The following CEP170B variants were observed in gnomAD, a reference collection of about 807,000 sequenced individuals.
The protein encoded by CEP170B is centrosomal protein 170B, also known as centrosomal protein of 170 kDa protein B.
A neutral mutation model predicts 120.6 loss-of-function variants in CEP170B; 55 were observed. That is an observed-to-expected ratio of 0.46 (90% CI 0.37 to 0.57). The LOEUF is 0.57. CEP170B is among the 20% of genes least tolerant of loss of function. The pLI is 0.00. For synonymous variants in CEP170B, 1,033 were observed against 954.5 expected (o/e 1.08, Z -1.52); for missense variants, 2,212 against 2,253.3 (o/e 0.98, Z 0.37).
chr14:104,884,590 G>T (rs561033407), intron 9 of CEP170B, 41 bp downstream of exon 9: 7 of 1,513,094 alleles, frequency 4.6e-6, no homozygotes, highest in Admixed American at 4.0e-5. Flanking sequence ...TGGGGAACGG[G>T]GGGGTGGAGG....
Position 104,886,583 on chromosome 14 carries a change from G to T in CEP170B, c.2344G>T (p.Gly782Cys). Residue 782 changes from glycine (G) to cysteine (C), a missense_variant, in exon 12 of 19, where the codon GGT becomes TGT. Physicochemically the swap from Gly to Cys is radical, Grantham distance 159 (BLOSUM62 -3). This residue lies in a region of CEP170B where 2,166 missense variants were observed against 2,166.7 expected (regional missense o/e 1.00). Transcript: ENST00000414716. ...SPQEGPTWSR[G>C]RRSPRAPGEP... ...CCAGGAGGGGCCCACGTGGAGCAGG[G>T]GTCGGCGCTCACCAAGGGCCCCCGG... 1 of 1,515,592 alleles carries T rather than the reference G, an allele frequency of 6.6e-7. No homozygotes were observed. Among genetic ancestry groups the T allele is most frequent in the Non-Finnish European group, 8.8e-7 (1 of 1,135,582 alleles). The allele number at this position is 1,515,592 out of a possible 1,614,324, so 93.9% of individuals were successfully genotyped here.
rs79638872 is a variant in CEP170B, at chr14:104,866,467, C to A, written c.-28+954C>A. 2.4e-3 allele frequency among the ~76,000 whole-genome samples: 371 copies of A among 152,280 alleles called. 4 individuals are homozygous for A. The East Asian group carries it at 0.035, about 14-fold the overall frequency. On this transcript the variant is annotated intron_variant, in intron 1 of 18. Transcript: ENST00000414716. ...AGAGGCCTCCTGGAGGCTTTGCTGT[C>A]TGGGGCTGCAGGGTCATCGAAGTGC... is the stretch of plus-strand genomic sequence containing the variant.
At chr14:104,871,192 C>G (rs1895466156) in intron 2 of CEP170B, among the ~76,000 whole-genome samples, 1 of 152,340 alleles carries the variant, frequency 6.6e-6, no homozygotes, top group African/African-American at 2.4e-5. Flanking sequence ...CTATCCACCT[C>G]TGCTCAGATG....
rs145003340 is a variant in CEP170B at position 104,878,609 on chromosome 14, G to A, written c.333+108G>A. The A allele has an allele frequency of 1.7e-3, 2,138 of 1,259,788 alleles. 18 individuals carry two copies. The highest frequency in any genetic ancestry group is 0.016 in the East Asian group (687 of 42,212). The allele number at this position is 1,259,788 out of a possible 1,614,324, so 78.0% of individuals were successfully genotyped here. On this transcript the variant is annotated intron_variant, in intron 5 of 18. Transcript: ENST00000414716. ...CCAGCAAACACTCACCAGGCCTCTG[G>A]GGCGCCCTGTTCAGGCTGCGGGTGC...
At chr14:104,894,655 CAGGGTGGG>C in intron 18 of CEP170B, 48 bp from the exon 19 acceptor site, 1 of 1,583,676 alleles carries the variant, frequency 6.3e-7, no homozygotes, top group Non-Finnish European at 8.6e-7. Flanking sequence ...CCCTGACTCA[CAGGGTGGG>C]AGCAGGTGAA....
chr14:104,883,597 C>T (rs1324967250), intron 8 of CEP170B, 89 bp downstream of exon 8: 2 of 1,339,616 alleles, frequency 1.5e-6, no homozygotes, highest in South Asian at 1.5e-5. Flanking sequence ...TGCAGAGGGG[C>T]CCATTCAGCT....
rs763955885 is a variant in CEP170B, at chr14:104,883,409, C to G, written c.952C>G (p.Leu318Val). ...VSAETKVADW[L>V]VQNDPSLLHR... Reference sequence around the variant, plus strand: ...GGCTGAGACCAAGGTGGCCGACTGGCTGGTGCAGAATGACCCGAGCCTGCT... The same window carrying G: ...GGCTGAGACCAAGGTGGCCGACTGGGTGGTGCAGAATGACCCGAGCCTGCT... The change falls in exon 8 of 19, where the codon CTG becomes GTG. Residue 318 changes from leucine to valine, a missense_variant. Transcript: ENST00000414716. 6.3e-7 allele frequency: 1 copy of G among 1,586,312 alleles called. No homozygotes were observed. The highest frequency in any genetic ancestry group is 1.1e-5 in the South Asian group (1 of 87,262).
In CEP170B at chr14:104,883,940, G is replaced by A. The variant is rs1288200866; in HGVS notation, c.1161G>A (p.Gln387=). The change falls in exon 9 of 19, where the codon CAG becomes CAA. Residue 387 remains glutamine (Q), a synonymous_variant. Coordinates refer to ENST00000414716, the MANE Select transcript of CEP170B (RefSeq NM_001112726.3). ...CCAGCGGGGAGCAGGTGCGGCTGCAGAGGCAGATCAAGCGGGACCCCCAGG... is the reference window on the plus strand; with the variant it reads ...CCAGCGGGGAGCAGGTGCGGCTGCAAAGGCAGATCAAGCGGGACCCCCAGG... ...LEASGEQVRL[Q]RQIKRDPQEL... The A allele has an allele frequency of 6.2e-7, 1 of 1,604,772 alleles. No homozygotes were observed. Among genetic ancestry groups the A allele is most frequent in the South Asian group, 1.1e-5 (1 of 89,874 alleles).
chr14:104,872,165 G>A (rs576040931), intron 2 of CEP170B, among the ~76,000 whole-genome samples: 14 of 140,776 alleles, frequency 9.9e-5, no homozygotes, highest in Middle Eastern at 4.2e-3. Context: ...CGTGTGTGCC[G>A]CGTGTGTGTG....
intron 10 of CEP170B, 76 bp from the exon 11 acceptor site, chr14:104,885,964 C>T: frequency 3.8e-6 from 5 of 1,321,512 alleles, no homozygotes; most frequent in Non-Finnish European, 1.0e-6. Context: ...TCTGGACGCC[C>T]CTCCTGTTCC....
intron 13 of CEP170B, among the ~76,000 whole-genome samples, chr14:104,890,994 T>G (rs1438016568): frequency 3.8e-4 from 13 of 34,070 alleles, no homozygotes; most frequent in South Asian, 9.0e-4. Context: ...GATGGGTGGG[T>G]GGGTGTGGAT....
At position 104,886,735 on chromosome 14, in the gene CEP170B, A is replaced by G. The variant is rs1352037908; in HGVS notation, c.2496A>G (p.Ala832=). 1 of 1,607,660 alleles carries G rather than the reference A, an allele frequency of 6.2e-7. No homozygotes were observed. The highest frequency in any genetic ancestry group is 1.7e-5 in the Admixed American group (1 of 59,702). ...LGQTAQPSPP[A]RDGVYVSANG... is the part of the protein sequence containing the mutation. ...AGACAGCCCAGCCCAGCCCCCCAGC[A>G]CGGGATGGCGTCTATGTCAGTGCCA... Residue 832 remains alanine (A), a synonymous_variant, in exon 12 of 19, where the codon GCA becomes GCG. Coordinates refer to ENST00000414716, the MANE Select transcript of CEP170B (RefSeq NM_001112726.3).
intron 13 of CEP170B, among the ~76,000 whole-genome samples, chr14:104,890,374 GTGGATGGATGGATGAGTGGATGGATGGA>G (rs1896762480): frequency 1.6e-5 from 2 of 125,322 alleles, no homozygotes; most frequent in African/African-American, 6.3e-5. Context: ...GAGTGGGTGG[GTGGATGGATGGATGAGTGGATGGATGGA>G]TGGATGGATG....
chr14:104,893,539 C>G lies in CEP170B; in HGVS notation c.4055C>G (p.Pro1352Arg). Residue 1352 changes from proline to arginine, a missense_variant, in exon 15 of 19, where the codon CCC becomes CGC. Transcript: ENST00000414716. Reference sequence around the variant, plus strand: ...CTCTTGCAGCTGGTGCAGCGCATCCCCGAGGCCAGCCTCAACTTCCAGAAG... The same window carrying G: ...CTCTTGCAGCTGGTGCAGCGCATCCGCGAGGCCAGCCTCAACTTCCAGAAG... ...SAREELVQRI[P>R]EASLNFQKVP... 6.2e-7 allele frequency: 1 copy of G among 1,604,606 alleles called. No homozygotes were observed. Among genetic ancestry groups the G allele is most frequent in the East Asian group, 2.2e-5 (1 of 44,542 alleles).
chr14:104,883,734 T>C (rs1382798097), intron 8 of CEP170B, 97 bp from the exon 9 acceptor site: 1 of 1,268,034 alleles, frequency 7.9e-7, no homozygotes. Flanking sequence ...GGGTGCTTTG[T>C]CAACTCAGCT....
At chr14:104,878,897 G>T (rs904486014) in intron 5 of CEP170B, among the ~76,000 whole-genome samples, 1 of 152,208 alleles carries the variant, frequency 6.6e-6, no homozygotes, top group East Asian at 1.9e-4. Context: ...AGAACAAATG[G>T]CTCATTGGGT....
Position 104,891,015 on chromosome 14 carries a change from G to A in CEP170B, c.3878+1257G>A, listed in dbSNP as rs1192924601. Among the ~76,000 whole-genome samples the A allele has an allele frequency of 7.6e-6, 1 of 131,788 alleles. No homozygotes were observed. Among genetic ancestry groups the A allele is most frequent in the African/African-American group, 2.9e-5 (1 of 34,692 alleles). The allele number at this position is 131,788 out of a possible 152,430, so 86.5% of individuals were successfully genotyped here. A position where few individuals can be genotyped will look rare whatever the true frequency, so the allele number is the denominator to read the frequency against. ...TGGGTGGGTGTGGATGGATGGATGAGTGGGTGGGTGGATGGATGGATGGAT... is the reference window on the plus strand; with the variant it reads ...TGGGTGGGTGTGGATGGATGGATGAATGGGTGGGTGGATGGATGGATGGAT... On this transcript the variant is annotated intron_variant, in intron 13 of 18. Coordinates refer to ENST00000414716, the MANE Select transcript of CEP170B (RefSeq NM_001112726.3). This position sits in a 1 kb window ranked among gnomAD's most constrained non-coding sequence, Gnocchi z 4.3.
At chr14:104,873,132 C>A (rs542402185) in intron 2 of CEP170B, among the ~76,000 whole-genome samples, 1 of 152,024 alleles carries the variant, frequency 6.6e-6, no homozygotes, top group African/African-American at 2.4e-5. Flanking sequence ...GCGCTTCCTG[C>A]AGTCTGGGGA....
rs766539037 is a variant in CEP170B, at chr14:104,883,086, C to A, written c.629C>A (p.Ala210Asp). The A allele has an allele frequency of 6.4e-7, 1 of 1,571,574 alleles. No homozygotes were observed. The highest frequency in any genetic ancestry group is 1.3e-5 in the African/African-American group (1 of 74,108). ...QQDGELHGFR[A>D]PAEPQGCSFR... ...GACGGGGAGCTCCACGGCTTCCGCG[C>A]CCCTGCTGAGCCTCAGGGCTGCTCG... Residue 210 changes from alanine to aspartate, a missense_variant, in exon 8 of 19, where the codon GCC becomes GAC. Physicochemically the swap from Ala to Asp is moderately radical, Grantham distance 126. Transcript: ENST00000414716.
Sources: allele counts gnomAD v4.1 joint callset (sites outside exome capture counted in the v4.1 genomes callset), GRCh38; gene constraint gnomAD v4.1.1; regional missense constraint gnomAD v4.1.1; non-coding constraint Gnocchi (gnomAD v3.1); transcripts MANE v1.5; gene names NCBI Gene and HGNC (gene_info 2026-07-23, HGNC 2026-07-21).